WDTC1: variants seen among roughly 807,000 people sequenced by gnomAD.
WDTC1 encodes the protein WD and tetratricopeptide repeats protein 1.
Under a neutral mutation model 76.0 loss-of-function variants are expected in WDTC1, and 12 were observed. That is an observed-to-expected ratio of 0.16 (90% CI 0.10 to 0.26). WDTC1 has a LOEUF of 0.26. WDTC1 is among the 10% of genes least tolerant of loss of function. The pLI is 1.00. For synonymous variants in WDTC1, 326 were observed against 350.8 expected, an observed-to-expected ratio of 0.93 and a Z score of 0.79; for missense variants, 511 against 908.8, an observed-to-expected ratio of 0.56 and a Z score of 5.63.
intron 6 of WDTC1, among the ~76,000 whole-genome samples, chr1:27,288,266 C>T (rs141132886): frequency 6.6e-6 from 1 of 152,322 alleles, no homozygotes; most frequent in Admixed American, 6.5e-5. Context: ...CTAAAGTAGA[C>T]AGACGTTATG....
chr1:27,292,704 A>G (rs1018546957), intron 7 of WDTC1, among the ~76,000 whole-genome samples: 2 of 151,086 alleles, frequency 1.3e-5, no homozygotes, highest in Non-Finnish European at 3.0e-5. Flanking sequence ...TGGGACTACA[A>G]GCATGAGCCA....
chr1:27,258,529 C>CCAA (rs2012360304), intron 1 of WDTC1, among the ~76,000 whole-genome samples: 1 of 122,122 alleles, frequency 8.2e-6, no homozygotes, highest in Non-Finnish European at 1.6e-5. Flanking sequence ...AAGACTCTGC[C>CCAA]AAAAAAAAAA....
chr1:27,291,626 T>C (rs1357424673), intron 6 of WDTC1, among the ~76,000 whole-genome samples: 2 of 152,194 alleles, frequency 1.3e-5, no homozygotes, highest in Non-Finnish European at 2.9e-5. Flanking sequence ...CTTTACTGCG[T>C]GGATGAGACT....
intron 5 of WDTC1, among the ~76,000 whole-genome samples, chr1:27,286,281 G>A (rs1253694429): frequency 6.6e-6 from 1 of 150,978 alleles, no homozygotes; most frequent in East Asian, 1.9e-4. Flanking sequence ...GGGATTACAG[G>A]TGTGAGCCAC....
In WDTC1 at chr1:27,294,639, G is replaced by A; in HGVS notation, c.873+10G>A. The A allele has an allele frequency of 6.2e-7, 1 of 1,612,038 alleles. No individual in the cohort carries two copies. The highest frequency in any genetic ancestry group is 8.5e-7 in the Non-Finnish European group (1 of 1,178,406). ...CATGGGGGGGGAACAGGTATGTACAGCATAAGGTGGTTCTGCCCCATCACC... is the reference window on the plus strand; with the variant it reads ...CATGGGGGGGGAACAGGTATGTACAACATAAGGTGGTTCTGCCCCATCACC... On this transcript the variant is annotated intron_variant, in intron 9 of 15. Transcript: ENST00000319394.
chr1:27,250,791 G>T (rs989969259), intron 1 of WDTC1, among the ~76,000 whole-genome samples: 46 of 151,628 alleles, frequency 3.0e-4, no homozygotes, highest in African/African-American at 1.1e-3. Context: ...GTTAACCTCA[G>T]GCTATTATAT....
intron 1 of WDTC1, among the ~76,000 whole-genome samples, chr1:27,256,714 T>C (rs2147925112): frequency 6.6e-6 from 1 of 152,328 alleles, no homozygotes; most frequent in South Asian, 2.1e-4. Context: ...ATTGCCTGTT[T>C]TGCTCATTGA....
chr1:27,251,033 ATTTTTTTTTTTTTTT>A lies in WDTC1; in HGVS notation c.-99-9900_-99-9886del, dbSNP rs71584875. On this transcript the variant is annotated intron_variant, in intron 1 of 15. Coordinates refer to ENST00000319394, the MANE Select transcript of WDTC1 (RefSeq NM_001276252.2). ...TGGCGTGCACCACTACTCCTGGCTA[ATTTTTTTTTTTTTTT>A]TTTTTTTTTTTTTTTTTTTTTTAGT... Among the ~76,000 whole-genome samples the A allele has an allele frequency of 1.8e-3, 51 of 28,688 alleles. 1 individual carries two copies. The highest frequency in any genetic ancestry group is 2.2e-3 in the African/African-American group (25 of 11,592). The allele number at this position is 28,688 out of a possible 152,430, so 18.8% of individuals were successfully genotyped here.
In WDTC1 at chr1:27,296,412, C is replaced by T. The variant is rs1408816862; in HGVS notation, c.949+11C>T. 7 of 1,613,830 alleles carry T rather than the reference C, an allele frequency of 4.3e-6. No individual in the cohort carries two copies. Among genetic ancestry groups the T allele is most frequent in the Non-Finnish European group, 5.9e-6 (7 of 1,179,912 alleles). On this transcript the variant is annotated intron_variant, in intron 10 of 15. Coordinates refer to ENST00000319394, the MANE Select transcript of WDTC1 (RefSeq NM_001276252.2). ...GCCACTCCTCGGGGGGTAAGTTCTC[C>T]CTTAGGGTATCTCTACTGCGGCGGT...
At chr1:27,265,322 A>T (rs1377671282) in intron 3 of WDTC1, among the ~76,000 whole-genome samples, 1 of 152,192 alleles carries the variant, frequency 6.6e-6, no homozygotes, top group Non-Finnish European at 1.5e-5. Context: ...TAAACTAGAC[A>T]TTAAAGAAGT....
rs149594820 is a variant in WDTC1, at chr1:27,287,709, G to A, written c.327G>A (p.Thr109=). The change falls in exon 6 of 16, where the codon ACG becomes ACA. Residue 109 remains threonine, a synonymous_variant. Transcript: ENST00000319394. The part of the protein sequence containing the change: ...LPHAGDRILI[T]GAADSKVHVH... Reference sequence around the variant, plus strand: ...ACGCTGGGGACCGCATCTTGATCACGGGGGCAGCCGACTCTAAGGTGCATG... The same window carrying A: ...ACGCTGGGGACCGCATCTTGATCACAGGGGCAGCCGACTCTAAGGTGCATG... The A allele has an allele frequency of 4.6e-5, 74 of 1,613,908 alleles. No individual in the cohort carries two copies. Among genetic ancestry groups the A allele is most frequent in the African/African-American group, 4.4e-4 (33 of 75,044 alleles).
intron 1 of WDTC1, among the ~76,000 whole-genome samples, chr1:27,246,431 C>T (rs983545501): frequency 6.6e-6 from 1 of 152,142 alleles, no homozygotes; most frequent in African/African-American, 2.4e-5. Flanking sequence ...CATAATATTC[C>T]ATTACAGTGG....
chr1:27,289,172 T>C (rs2013445843), intron 6 of WDTC1, among the ~76,000 whole-genome samples: 2 of 140,170 alleles, frequency 1.4e-5, no homozygotes, highest in Non-Finnish European at 1.5e-5. Context: ...GAGGCGCCCC[T>C]CACCTCCCGG....
In WDTC1 at chr1:27,253,490, T is replaced by C. The variant is rs187590320; in HGVS notation, c.-99-7466T>C. ...TCCTCTTCCTCTTCTTCTCTCTTTC[T>C]TCTTTCTTCTTCTTTCTTTCTTTCT... is the stretch of plus-strand genomic sequence containing the variant. On this transcript the variant is annotated intron_variant, in intron 1 of 15. Coordinates refer to ENST00000319394, the MANE Select transcript of WDTC1 (RefSeq NM_001276252.2). Among the ~76,000 whole-genome samples the C allele has an allele frequency of 2.4e-3, 336 of 140,928 alleles. 1 individual carries two copies. Among genetic ancestry groups the C allele is most frequent in the Middle Eastern group, 0.021 (6 of 286 alleles). The allele number at this position is 140,928 out of a possible 152,430, so 92.5% of individuals were successfully genotyped here.
chr1:27,273,949 T>C (rs932746459), intron 3 of WDTC1, among the ~76,000 whole-genome samples: 4 of 152,168 alleles, frequency 2.6e-5, no homozygotes, highest in African/African-American at 9.7e-5. Flanking sequence ...TCTTGCAAAC[T>C]TTTTATGTTT....
Position 27,301,386 on chromosome 1 carries a change from G to T in WDTC1, c.1393G>T (p.Glu465Ter). The part of the protein sequence containing the change: ...CLDDFKGKFP[E>*]QAHSSACDAL... ...GGACGACTTCAAAGGGAAATTTCCG[G>T]AGCAGGCCCACAGCAGCGCTTGTGA... is the stretch of plus-strand genomic sequence containing the variant. The change falls in exon 13 of 16, where the codon GAG (glutamate) becomes TAG (stop). Residue 465 changes from glutamate to a stop codon, truncating the protein, a stop_gained. Coordinates refer to ENST00000319394, the MANE Select transcript of WDTC1 (RefSeq NM_001276252.2). LOFTEE classifies it high-confidence loss of function. This position sits in a 1 kb window ranked among gnomAD's most constrained non-coding sequence, Gnocchi z 5.8. The T allele has an allele frequency of 6.2e-7, 1 of 1,614,194 alleles. No individual in the cohort carries two copies. The highest frequency in any genetic ancestry group is 1.1e-5 in the South Asian group (1 of 91,080).
chr1:27,278,206 C>T (rs1175506152), intron 3 of WDTC1, among the ~76,000 whole-genome samples: 2 of 152,172 alleles, frequency 1.3e-5, no homozygotes, highest in East Asian at 3.8e-4. Flanking sequence ...TATGGGAACA[C>T]AGCATACTCA....
In WDTC1 at chr1:27,274,596, TAA is replaced by T. The variant is rs2012968666; in HGVS notation, c.133-7642_133-7641del. 6.6e-6 allele frequency among the ~76,000 whole-genome samples: 1 copy of T among 152,230 alleles called. No homozygotes were observed. The highest frequency in any genetic ancestry group is 2.4e-5 in the African/African-American group (1 of 41,462). ...GATTAATTTAAGCCGTTCTAGTATATAAGACCCAATCAGTTTTCCACTTTCCT... is the reference window on the plus strand; with the variant it reads ...GATTAATTTAAGCCGTTCTAGTATATGACCCAATCAGTTTTCCACTTTCCT... On this transcript the variant is annotated intron_variant, in intron 3 of 15. Coordinates refer to ENST00000319394, the MANE Select transcript of WDTC1 (RefSeq NM_001276252.2). This position sits in a 1 kb window ranked among gnomAD's most constrained non-coding sequence, Gnocchi z 4.2.
rs112053996 is a variant in WDTC1 at position 27,301,842 on chromosome 1, T to C, written c.1468+381T>C. 6.6e-5 allele frequency among the ~76,000 whole-genome samples: 10 copies of C among 152,226 alleles called. 1 individual carries two copies. The highest frequency in any genetic ancestry group is 2.4e-4 in the African/African-American group (10 of 41,536). Reference sequence around the variant, plus strand: ...CATCTGAGAGGCAGAAGCTGGTCATTGTGTTTGTTCCGAGTGTACAAGTGC... The same window carrying C: ...CATCTGAGAGGCAGAAGCTGGTCATCGTGTTTGTTCCGAGTGTACAAGTGC... On this transcript the variant is annotated intron_variant, in intron 13 of 15. Transcript: ENST00000319394. The surrounding 1 kb of genome is among the most constrained non-coding windows in gnomAD (Gnocchi z 5.8).
Sources: gnomAD v4.1 joint callset for allele counts (sites outside exome capture counted in the v4.1 genomes callset) on GRCh38, gnomAD v4.1.1 for gene constraint, Gnocchi (gnomAD v3.1) non-coding constraint, MANE v1.5 for transcripts, NCBI Gene and HGNC (gene_info 2026-07-23, HGNC 2026-07-21) for gene names.